The following PCDHGA7 variants were observed in gnomAD, a reference collection of about 807,000 sequenced individuals.
The protein encoded by PCDHGA7 is protocadherin gamma subfamily A, 7, also known as protocadherin gamma-A7.
PCDHGA7 carries 44 observed loss-of-function variants against 58.3 expected under a neutral mutation model. That is an observed-to-expected ratio of 0.75 (90% CI 0.59 to 0.97). The LOEUF (loss-of-function observed/expected upper bound fraction) is 0.97, where lower values mean the gene tolerates loss of function less well. Among genes scored for constraint, PCDHGA7 ranks in the 50% least tolerant of loss-of-function variants. PCDHGA7 has a pLI of 0.00. For synonymous variants in PCDHGA7, 516 were observed against 504.2 expected, an observed-to-expected ratio of 1.02 and a Z score of -0.31; for missense variants, 1,266 against 1,188.7, an observed-to-expected ratio of 1.06 and a Z score of -0.96.
intron 3 of PCDHGA7, chr5:141,508,363 A>G (rs996562348): frequency 1.3e-5 from 2 of 152,230 alleles, no homozygotes; most frequent in Non-Finnish European, 2.9e-5. Flanking sequence ...TGGCAATCCA[A>G]CTTCTTCCCC....
At chr5:141,492,447 T>G (rs920078908) in intron 1 of PCDHGA7, among the ~76,000 whole-genome samples, 13 of 152,300 alleles carry the variant, frequency 8.5e-5, no homozygotes, top group Middle Eastern at 3.4e-3. Context: ...CGTAGCTGAT[T>G]GTGCGCGCCT....
At chr5:141,427,954 T>G in intron 1 of PCDHGA7, 1 of 1,587,162 alleles carries the variant, frequency 6.3e-7, no homozygotes, top group Non-Finnish European at 8.6e-7. Context: ...AATGACAATG[T>G]GCCGCGGGTG....
chr5:141,407,985 A>G, intron 1 of PCDHGA7: 1 of 789,616 alleles, frequency 1.3e-6, no homozygotes, highest in Non-Finnish European at 1.9e-6. Flanking sequence ...GGGATCCGTC[A>G]GCCTCTGGCC....
intron 1 of PCDHGA7, chr5:141,417,879 A>G (rs2096177010): frequency 7.1e-6 from 11 of 1,559,306 alleles, no homozygotes; most frequent in South Asian, 2.3e-5. Flanking sequence ...AGCTGCGCGC[A>G]GAGGCGCCGG....
chr5:141,396,923 G>A (rs6886638), intron 1 of PCDHGA7, among the ~76,000 whole-genome samples: 45,883 of 152,076 alleles, frequency 0.3, 8,183 homozygotes, highest in African/African-American at 0.5. Context: ...TTAAAAACTC[G>A]GATGAAAGTT....
At chr5:141,483,186 A>G (rs2099578047) in intron 1 of PCDHGA7, among the ~76,000 whole-genome samples, 1 of 152,174 alleles carries the variant, frequency 6.6e-6, no homozygotes, top group Non-Finnish European at 1.5e-5. Flanking sequence ...CAAGCCAAGG[A>G]GTTTTTATTT....
At chr5:141,470,173 A>G (rs527296791) in intron 1 of PCDHGA7, among the ~76,000 whole-genome samples, 1 of 152,342 alleles carries the variant, frequency 6.6e-6, no homozygotes, top group South Asian at 2.1e-4. Context: ...AAGTATGCAA[A>G]ATATTCAAGT....
chr5:141,419,006 A>G (rs2096312225), intron 1 of PCDHGA7: 1 of 1,614,006 alleles, frequency 6.2e-7, no homozygotes. Context: ...TGGGGAAGTC[A>G]GGTGTAGCTT....
intron 1 of PCDHGA7, chr5:141,418,103 G>A: frequency 1.2e-6 from 2 of 1,614,076 alleles, no homozygotes; most frequent in African/African-American, 1.3e-5. Flanking sequence ...CGCGCAGAGC[G>A]GGGACTTACT....
rs528779386 is a variant in PCDHGA7, at chr5:141,509,416, C to T, written c.2573-1531C>T. Among the ~76,000 whole-genome samples, 4 of 152,258 alleles carry T rather than the reference C, an allele frequency of 2.6e-5. No individual in the cohort carries two copies. In the East Asian group the frequency reaches 7.7e-4, roughly 29 times the overall value. ...TCTCAGGGCCTCCAGCAGCGAGCCCCAATGAGTCAAACTCTTGTTTCCTCC... is the reference window on the plus strand; with the variant it reads ...TCTCAGGGCCTCCAGCAGCGAGCCCTAATGAGTCAAACTCTTGTTTCCTCC... On this transcript the variant is annotated intron_variant, in intron 3 of 3. Transcript: ENST00000518325.
At chr5:141,440,868 T>A (rs1288344051) in intron 1 of PCDHGA7, 1 of 152,150 alleles carries the variant, frequency 6.6e-6, no homozygotes, top group East Asian at 1.9e-4. Flanking sequence ...ATCTAGGATG[T>A]GTACAGCGTC....
rs562011010 is a variant in PCDHGA7, at chr5:141,427,600, G to A, written c.2424+42277G>A. On this transcript the variant is annotated intron_variant, in intron 1 of 3. Coordinates refer to ENST00000518325, the MANE Select transcript of PCDHGA7 (RefSeq NM_018920.4). ...TCATCCAGCACAAGCCTCACCCTAC[G>A]CATTGGTGAAGTCAACGACAATGCT... The A allele has an allele frequency of 6.7e-5, 46 of 683,296 alleles. 1 individual carries two copies. The East Asian group carries it at 1.2e-3, about 18-fold the overall frequency. 42.3% of individuals were successfully genotyped at this position (683,296 alleles called of 1,614,324 possible). A position where few individuals can be genotyped will look rare whatever the true frequency, so the allele number is the denominator to read the frequency against.
intron 1 of PCDHGA7, chr5:141,441,448 A>T (rs1415765869): frequency 1.2e-5 from 2 of 161,528 alleles, no homozygotes; most frequent in Non-Finnish European, 2.7e-5. Context: ...CAGCCCAAGC[A>T]TCACCCTACT....
intron 1 of PCDHGA7, chr5:141,478,265 G>A: frequency 6.2e-7 from 1 of 1,614,196 alleles, no homozygotes; most frequent in African/African-American, 1.3e-5. Context: ...CATATTCAAA[G>A]TTTACAAGTG....
chr5:141,439,289 T>C (rs1454088176), intron 1 of PCDHGA7, among the ~76,000 whole-genome samples: 1 of 151,850 alleles, frequency 6.6e-6, no homozygotes, highest in African/African-American at 2.4e-5. Flanking sequence ...CTGTGTTCCA[T>C]GGAAAAAGTA....
intron 2 of PCDHGA7, among the ~76,000 whole-genome samples, chr5:141,501,052 A>G (rs1007055288): frequency 6.6e-6 from 1 of 151,988 alleles, no homozygotes; most frequent in Non-Finnish European, 1.5e-5. Flanking sequence ...TATTTTTAGT[A>G]GAGACGGGGT....
chr5:141,433,204 C>CT, intron 1 of PCDHGA7: 2 of 1,566,944 alleles, frequency 1.3e-6, no homozygotes, highest in Admixed American at 2.0e-5. Flanking sequence ...ATCAAATCTT[C>CT]TTTCTTTTTT....
chr5:141,490,061 A>T lies in PCDHGA7; in HGVS notation c.2425-4746A>T. The stretch of plus-strand genomic sequence containing the variant: ...GCCACTGATCCAGACGAGGGCACCA[A>T]CGGCCAACTAGACTATTCTTTTGGA... On this transcript the variant is annotated intron_variant, in intron 1 of 3. Transcript: ENST00000518325. This position sits in a 1 kb window ranked among gnomAD's most constrained non-coding sequence, Gnocchi z 5.4. 1 of 1,614,214 alleles carries T rather than the reference A, an allele frequency of 6.2e-7. No homozygotes were observed. The highest frequency in any genetic ancestry group is 8.5e-7 in the Non-Finnish European group (1 of 1,180,030).
chr5:141,461,813 C>T (rs2099023751), intron 1 of PCDHGA7, among the ~76,000 whole-genome samples: 1 of 151,846 alleles, frequency 6.6e-6, no homozygotes, highest in African/African-American at 2.4e-5. Flanking sequence ...ACCACCACAC[C>T]CAGCTAATTT....
Sources: gnomAD v4.1 joint callset for allele counts (sites outside exome capture counted in the v4.1 genomes callset) on GRCh38, gnomAD v4.1.1 for gene constraint, Gnocchi (gnomAD v3.1) non-coding constraint, MANE v1.5 for transcripts, NCBI Gene and HGNC (gene_info 2026-07-23, HGNC 2026-07-21) for gene names.